AGBL1: variants seen among roughly 807,000 people sequenced by gnomAD.
The protein encoded by AGBL1 is cytosolic carboxypeptidase 4.
AGBL1 carries 130 observed loss-of-function variants against 118.9 expected under a neutral mutation model. The observed-to-expected ratio is 1.09, with a 90% CI of 0.95 to 1.26. The LOEUF is 1.26. AGBL1 is among the 50% of genes most tolerant of loss of function. The pLI is 0.00. For synonymous variants in AGBL1, 555 were observed against 478.9 expected (o/e 1.16, Z -2.08); for missense variants, 1,584 against 1,298.1 (o/e 1.22, Z -3.38).
At position 86,727,556 on chromosome 15, in the gene AGBL1, C is replaced by G. The variant is rs550694734; in HGVS notation, c.3158+53120C>G. Among the ~76,000 whole-genome samples the G allele has an allele frequency of 4.6e-5, 7 of 151,432 alleles. No homozygotes were observed. In the South Asian group the frequency reaches 1.5e-3, roughly 32 times the overall value. On this transcript the variant is annotated intron_variant, in intron 22 of 22. Coordinates refer to ENST00000614907, the MANE Select transcript of AGBL1 (RefSeq NM_001386094.1). ...CAAGAACTTGTTTTATTTTCAATGA[C>G]AAAAAAAACTAAATTGCTTTCAGCT...
intron 18 of AGBL1, among the ~76,000 whole-genome samples, chr15:86,514,085 G>A (rs529697410): frequency 6.0e-5 from 9 of 150,474 alleles, no homozygotes; most frequent in African/African-American, 1.5e-4. Flanking sequence ...AGTATTTCTC[G>A]GTTCTTCTAG....
At chr15:86,775,020 T>C (rs2078235064) in intron 22 of AGBL1, among the ~76,000 whole-genome samples, 1 of 152,178 alleles carries the variant, frequency 6.6e-6, no homozygotes, top group East Asian at 1.9e-4. Flanking sequence ...TCCCAAAAAA[T>C]ACACAGACAA....
intron 22 of AGBL1, among the ~76,000 whole-genome samples, chr15:86,765,183 C>T (rs1202727061): frequency 2.0e-5 from 3 of 151,990 alleles, no homozygotes; most frequent in Non-Finnish European, 4.4e-5. Context: ...AGAGAAGCCC[C>T]TGACTTGTAT....
chr15:86,490,003 G>A lies in AGBL1; in HGVS notation c.2556-32807G>A, dbSNP rs115813116. On this transcript the variant is annotated intron_variant, in intron 18 of 22. Coordinates refer to ENST00000614907, the MANE Select transcript of AGBL1 (RefSeq NM_001386094.1). The stretch of plus-strand genomic sequence containing the variant: ...AATTATCCTCTTCAGTGGATGCATG[G>A]GTAAAGGCATACTGGAGTACCCAGG... Among the ~76,000 whole-genome samples the A allele has an allele frequency of 8.9e-3, 1,360 of 152,138 alleles. 20 individuals carry two copies. Among genetic ancestry groups the A allele is most frequent in the African/African-American group, 0.031 (1,290 of 41,534 alleles).
intron 21 of AGBL1, among the ~76,000 whole-genome samples, chr15:86,628,848 T>C (rs1596320014): frequency 6.6e-6 from 1 of 152,308 alleles, no homozygotes; most frequent in East Asian, 1.9e-4. Flanking sequence ...TCTTCAGCTT[T>C]ACCGAGGTAC....
chr15:86,234,945 G>A (rs1018782994), intron 6 of AGBL1, among the ~76,000 whole-genome samples: 1 of 152,136 alleles, frequency 6.6e-6, no homozygotes, highest in African/African-American at 2.4e-5. Context: ...ATGATATCTG[G>A]TTGTTTTTAG....
intron 22 of AGBL1, among the ~76,000 whole-genome samples, chr15:86,739,343 T>A (rs904083483): frequency 6.8e-6 from 1 of 147,854 alleles, no homozygotes; most frequent in African/African-American, 2.5e-5. Context: ...CTCAAGAGGC[T>A]GAGGCAGGAG....
chr15:86,625,364 C>CCTTTTTTTTTTTTT lies in AGBL1; in HGVS notation c.2995-48909_2995-48908insCTTTTTTTTTTTTT, dbSNP rs1429206623. 3.2e-4 allele frequency among the ~76,000 whole-genome samples: 22 copies of CCTTTTTTTTTTTTT among 68,282 alleles called. 6 individuals are homozygous for CCTTTTTTTTTTTTT. Among genetic ancestry groups the CCTTTTTTTTTTTTT allele is most frequent in the Middle Eastern group, 0.014 (1 of 74 alleles). The allele number at this position is 68,282 out of a possible 152,430, so 44.8% of individuals were successfully genotyped here. A position where few individuals can be genotyped will look rare whatever the true frequency, so the allele number is the denominator to read the frequency against. On this transcript the variant is annotated intron_variant, in intron 21 of 22. Coordinates refer to ENST00000614907, the MANE Select transcript of AGBL1 (RefSeq NM_001386094.1). ...CAGCCTCCAAGGTAGAAGAAATTAG[C>CCTTTTTTTTTTTTT]GTTTTTTTTTTTTTGTTTTTGTTTT...
intron 21 of AGBL1, among the ~76,000 whole-genome samples, chr15:86,609,786 A>T (rs1596307920): frequency 6.6e-6 from 1 of 152,224 alleles, no homozygotes; most frequent in South Asian, 2.1e-4. Context: ...CTCTTGTAGG[A>T]AAAACAAAGC....
intron 18 of AGBL1, among the ~76,000 whole-genome samples, chr15:86,409,043 T>TA (rs2081575262): frequency 6.6e-6 from 1 of 152,216 alleles, no homozygotes; most frequent in African/African-American, 2.4e-5. Flanking sequence ...ATTTAAATTT[T>TA]AAAAAATATG....
At chr15:86,452,096 G>A (rs1051686595) in intron 18 of AGBL1, among the ~76,000 whole-genome samples, 2 of 152,100 alleles carry the variant, frequency 1.3e-5, no homozygotes, top group African/African-American at 4.8e-5. Context: ...GACACATTAT[G>A]TAGACTCATT....
intron 5 of AGBL1, among the ~76,000 whole-genome samples, chr15:86,196,670 T>C (rs995420457): frequency 2.6e-5 from 4 of 152,082 alleles, no homozygotes; most frequent in Admixed American, 1.3e-4. Flanking sequence ...ATGGACTGAA[T>C]TGTGTCCCAC....
intron 22 of AGBL1, among the ~76,000 whole-genome samples, chr15:86,805,807 A>G (rs1420773599): frequency 1.3e-5 from 2 of 152,134 alleles, no homozygotes; most frequent in Non-Finnish European, 2.9e-5. Flanking sequence ...ACACTCAACC[A>G]TTTACTACCC....
intron 16 of AGBL1, among the ~76,000 whole-genome samples, chr15:86,282,897 T>G (rs571652733): frequency 2.4e-4 from 36 of 152,342 alleles, no homozygotes; most frequent in African/African-American, 8.7e-4. Flanking sequence ...CAGACATTTT[T>G]ATAGCATAGG....
chr15:86,679,168 C>G (rs1214816331), intron 22 of AGBL1, among the ~76,000 whole-genome samples: 2 of 151,990 alleles, frequency 1.3e-5, no homozygotes, highest in African/African-American at 4.8e-5. Context: ...TATTTTTGGT[C>G]TATTGAGTGC....
At chr15:86,802,927 T>A (rs2078669833) in intron 22 of AGBL1, among the ~76,000 whole-genome samples, 1 of 152,166 alleles carries the variant, frequency 6.6e-6, no homozygotes, top group South Asian at 2.1e-4. Context: ...AAGCTTTTCA[T>A]GACGTAAGAT....
chr15:86,803,573 G>A (rs1362171149), intron 22 of AGBL1, among the ~76,000 whole-genome samples: 2 of 152,130 alleles, frequency 1.3e-5, no homozygotes, highest in Non-Finnish European at 2.9e-5. Context: ...TCTCATGAGT[G>A]ATCCATTTAA....
chr15:86,761,454 G>A (rs138308433), intron 22 of AGBL1, among the ~76,000 whole-genome samples: 40 of 152,114 alleles, frequency 2.6e-4, no homozygotes, highest in Non-Finnish European at 4.9e-4. Flanking sequence ...TGAAAAATGC[G>A]GGAATACAAA....
intron 18 of AGBL1, among the ~76,000 whole-genome samples, chr15:86,448,583 T>C (rs2082155850): frequency 6.6e-6 from 1 of 152,238 alleles, no homozygotes; most frequent in South Asian, 2.1e-4. Context: ...AATACTGATA[T>C]GACAGTTGTG....
Sources: allele counts gnomAD v4.1 joint callset (sites outside exome capture counted in the v4.1 genomes callset), GRCh38; gene constraint gnomAD v4.1.1; transcripts MANE v1.5; gene names NCBI Gene and HGNC (gene_info 2026-07-23, HGNC 2026-07-21).